The following ARHGEF26 variants were observed in gnomAD, a reference collection of about 807,000 sequenced individuals.
The protein encoded by ARHGEF26 is Rho guanine nucleotide exchange factor 26.
In ARHGEF26, 59 loss-of-function variants were observed where a neutral mutation model predicts 89.4. The observed-to-expected ratio is 0.66, with a 90% CI of 0.54 to 0.82. ARHGEF26 has a LOEUF of 0.82. ARHGEF26 is among the 40% of genes least tolerant of loss of function. The pLI is 0.00. For missense variants in ARHGEF26, 1,234 were observed against 1,085.6 expected (o/e 1.14, Z -1.92); for synonymous variants, 500 against 428.4 (o/e 1.17, Z -2.06).
At chr3:154,149,539 G>T in intron 5 of ARHGEF26, 94 bp downstream of exon 5, 1 of 1,032,356 alleles carries the variant, frequency 9.7e-7, no homozygotes, top group Non-Finnish European at 1.4e-6. Flanking sequence ...CACTTGTTTA[G>T]TGTTGCCCTT....
intron 4 of ARHGEF26, among the ~76,000 whole-genome samples, chr3:154,146,593 T>A (rs1459572191): frequency 6.6e-6 from 1 of 152,198 alleles, no homozygotes; most frequent in Non-Finnish European, 1.5e-5. Context: ...ACATGCAAAA[T>A]ATATCAGTTA....
intron 9 of ARHGEF26, among the ~76,000 whole-genome samples, chr3:154,200,254 G>A (rs991610269): frequency 2.0e-5 from 3 of 152,106 alleles, no homozygotes; most frequent in East Asian, 3.8e-4. Flanking sequence ...AGAGATAGGG[G>A]TATAGTTTTA....
At chr3:154,170,119 T>G (rs557197417) in intron 6 of ARHGEF26, among the ~76,000 whole-genome samples, 1 of 151,828 alleles carries the variant, frequency 6.6e-6, no homozygotes, top group Admixed American at 6.6e-5. Context: ...CTCAGCACTT[T>G]GCGAGGCCAA....
chr3:154,199,606 G>A (rs187353473), intron 9 of ARHGEF26, among the ~76,000 whole-genome samples: 118 of 152,148 alleles, frequency 7.8e-4, no homozygotes, highest in Non-Finnish European at 1.4e-3. Context: ...GAATCATATG[G>A]TAATCAATTT....
intron 9 of ARHGEF26, among the ~76,000 whole-genome samples, chr3:154,202,906 G>A (rs1427326216): frequency 4.6e-5 from 7 of 152,070 alleles, no homozygotes; most frequent in South Asian, 2.1e-4. Context: ...GGGTTGAGAC[G>A]ATGGAGTTTT....
intron 12 of ARHGEF26, among the ~76,000 whole-genome samples, chr3:154,251,982 C>T (rs940847847): frequency 3.9e-5 from 6 of 152,206 alleles, no homozygotes; most frequent in African/African-American, 1.4e-4. Context: ...GTGGGCTTAT[C>T]TACGCAAAAA....
intron 11 of ARHGEF26, among the ~76,000 whole-genome samples, chr3:154,237,131 GGGTCTTAATCA>G: frequency 6.6e-6 from 1 of 152,140 alleles, no homozygotes; most frequent in East Asian, 1.9e-4. Flanking sequence ...CAGCCATCCT[GGGTCTTAATCA>G]GTGGCATTGT....
chr3:154,205,437 A>G (rs938011860), intron 9 of ARHGEF26, among the ~76,000 whole-genome samples: 9 of 152,036 alleles, frequency 5.9e-5, no homozygotes, highest in East Asian at 1.9e-4. Context: ...CAACAGATCA[A>G]TCAGTCTTGT....
At chr3:154,194,505 T>A (rs1714160846) in intron 8 of ARHGEF26, 139 bp from the exon 9 acceptor site, 2 of 600,284 alleles carry the variant, frequency 3.3e-6, no homozygotes, top group East Asian at 5.7e-5. Context: ...TAAATTGGGT[T>A]TTAATATTAT....
intron 11 of ARHGEF26, among the ~76,000 whole-genome samples, chr3:154,239,313 TGTGTGTGTGTGTGTGTG>T: frequency 7.4e-6 from 1 of 135,138 alleles, no homozygotes; most frequent in African/African-American, 2.8e-5. Context: ...TGTGTGTGTG[TGTGTGTGTGTGTGTGTG>T]TGTGTGTGTG....
Position 154,256,963 on chromosome 3 carries a change from T to G in ARHGEF26, c.*1490T>G, listed in dbSNP as rs764872150. Reference sequence around the variant, plus strand: ...GAAATGATTTTTACTGGCAGCTATATTCCCTCTCTGTTCTATTTGCTTTAA... The same window carrying G: ...GAAATGATTTTTACTGGCAGCTATAGTCCCTCTCTGTTCTATTTGCTTTAA... On this transcript the variant is annotated 3_prime_UTR_variant, in exon 15 of 15. Transcript: ENST00000465093. The G allele has an allele frequency of 1.6e-5, 25 of 1,531,850 alleles. No individual in the cohort carries two copies. Among genetic ancestry groups the G allele is most frequent in the Admixed American group, 9.9e-5 (5 of 50,506 alleles). 94.9% of individuals were successfully genotyped at this position (1,531,850 alleles called of 1,614,324 possible).
At chr3:154,127,766 G>C (rs138556092) in intron 3 of ARHGEF26, among the ~76,000 whole-genome samples, 1 of 150,028 alleles carries the variant, frequency 6.7e-6, no homozygotes, top group East Asian at 2.0e-4. Context: ...CAGTACAATC[G>C]GTTTGTTTAC....
At chr3:154,199,275 T>TA (rs1209734241) in intron 9 of ARHGEF26, among the ~76,000 whole-genome samples, 6 of 151,996 alleles carry the variant, frequency 3.9e-5, no homozygotes, top group Non-Finnish European at 8.8e-5. Flanking sequence ...AGTTCATTTT[T>TA]AAAAAAAATT....
chr3:154,166,960 A>G (rs1157351477), intron 6 of ARHGEF26, among the ~76,000 whole-genome samples: 1 of 152,134 alleles, frequency 6.6e-6, no homozygotes, highest in Admixed American at 6.6e-5. Context: ...TACCATACAC[A>G]CTGTATGCAC....
chr3:154,219,459 G>A (rs1715978871), intron 10 of ARHGEF26, among the ~76,000 whole-genome samples: 1 of 152,012 alleles, frequency 6.6e-6, no homozygotes, highest in African/African-American at 2.4e-5. Flanking sequence ...GCCGGGTGTA[G>A]TGGCAGGCAC....
chr3:154,218,697 G>T (rs1196658617), intron 10 of ARHGEF26, among the ~76,000 whole-genome samples: 1 of 152,196 alleles, frequency 6.6e-6, no homozygotes, highest in Non-Finnish European at 1.5e-5. Flanking sequence ...AAATTATAGT[G>T]ATCAGCATTT....
intron 6 of ARHGEF26, among the ~76,000 whole-genome samples, chr3:154,183,529 G>A (rs1195134207): frequency 2.6e-5 from 4 of 152,034 alleles, no homozygotes; most frequent in Admixed American, 1.3e-4. Context: ...TTGATTCACC[G>A]GCATTCTTGG....
Position 154,254,844 on chromosome 3 carries a change from T to A in ARHGEF26, c.2473+20T>A. The A allele has an allele frequency of 6.2e-7, 1 of 1,603,804 alleles. No homozygotes were observed. Among genetic ancestry groups the A allele is most frequent in the Non-Finnish European group, 8.5e-7 (1 of 1,171,738 alleles). ...GCGATGGTGAGTGGGAGCGTTCTTA[T>A]GGGACACTCGTGGTCCAGGATGCAG... On this transcript the variant is annotated intron_variant, in intron 14 of 14. Transcript: ENST00000465093.
chr3:154,147,128 G>C (rs922190786), intron 4 of ARHGEF26, among the ~76,000 whole-genome samples: 1 of 152,212 alleles, frequency 6.6e-6, no homozygotes, highest in Non-Finnish European at 1.5e-5. Flanking sequence ...AATGAGGCCG[G>C]ACATGGTGGC....
Sources: allele counts gnomAD v4.1 joint callset (sites outside exome capture counted in the v4.1 genomes callset), GRCh38; gene constraint gnomAD v4.1.1; transcripts MANE v1.5; gene names NCBI Gene and HGNC (gene_info 2026-07-23, HGNC 2026-07-21).